NDRG1: variants seen among roughly 807,000 people sequenced by gnomAD.
NDRG1 encodes N-myc downstream regulated 1.
Under a neutral mutation model 56.9 loss-of-function variants are expected in NDRG1, and 32 were observed. That is an observed-to-expected ratio of 0.56 (90% confidence interval 0.42 to 0.76). NDRG1 has a LOEUF of 0.76. NDRG1 is among the 30% of genes least tolerant of loss of function. NDRG1 has a pLI of 0.00. For missense variants in NDRG1, 507 were observed against 545.7 expected, an observed-to-expected ratio of 0.93 and a Z score of 0.71; for synonymous variants, 211 against 204.1, an observed-to-expected ratio of 1.03 and a Z score of -0.29.
intron 6 of NDRG1, 136 bp from the exon 7 acceptor site, chr8:133,258,562 T>C: frequency 1.2e-6 from 1 of 828,628 alleles, no homozygotes. Flanking sequence ...CCTGCACAGC[T>C]CTGAGGTCAC....
At chr8:133,266,640 C>T (rs144477111) in intron 3 of NDRG1, among the ~76,000 whole-genome samples, 2 of 152,228 alleles carry the variant, frequency 1.3e-5, no homozygotes, top group South Asian at 2.1e-4. Flanking sequence ...CATCCACACC[C>T]GCTGGTGATC....
intron 1 of NDRG1, chr8:133,296,883 C>G (rs1224860177): frequency 4.6e-6 from 1 of 216,208 alleles, no homozygotes; most frequent in African/African-American, 2.3e-5. Context: ...CAATCCCCAG[C>G]TAGGGGGGAG....
At chr8:133,255,658 A>G (rs1365686167) in intron 8 of NDRG1, 1 of 286,900 alleles carries the variant, frequency 3.5e-6, no homozygotes, top group Non-Finnish European at 6.9e-6. Flanking sequence ...GGGCTCCTGC[A>G]TTCTGGAGGA....
rs1345314267 is a variant in NDRG1, at chr8:133,238,961, C to T, written c.1102G>A (p.Glu368Lys). 3.8e-6 allele frequency: 6 copies of T among 1,581,514 alleles called. No individual in the cohort carries two copies. Among genetic ancestry groups the T allele is most frequent in the South Asian group, 1.2e-5 (1 of 86,324 alleles). Reference sequence around the variant, plus strand: ...GGGGTGATGTCCAGGTGGGCCCCCTCGCTGGTGTGCGAGCGGCTGCGGGTG... The same window carrying T: ...GGGGTGATGTCCAGGTGGGCCCCCTTGCTGGTGTGCGAGCGGCTGCGGGTG... ...EGTRSRSHTSEGAHLDITPNS... is the reference protein window; with the variant it reads ...EGTRSRSHTSKGAHLDITPNS... The change falls in exon 16 of 16, where the codon GAG (glutamate) becomes AAG (lysine). Residue 368 changes from glutamate (E) to lysine (K), a missense_variant. Transcript: ENST00000323851.
At chr8:133,296,758 T>TCCCTG in intron 1 of NDRG1, 1 of 223,016 alleles carries the variant, frequency 4.5e-6, no homozygotes, top group South Asian at 3.8e-5. Flanking sequence ...TGCACCCACG[T>TCCCTG]CCAGCGCGCA....
Position 133,257,282 on chromosome 8 carries a change from TACAC to T in NDRG1, c.451-423_451-420del, listed in dbSNP as rs58312135. ...CTTACTTCCAGGATAAACACATGCA[TACAC>T]ACACACACACACACACACACACACA... On this transcript the variant is annotated intron_variant, in intron 7 of 15. Transcript: ENST00000323851. 4.9e-3 allele frequency among the ~76,000 whole-genome samples: 725 copies of T among 146,798 alleles called. 8 individuals carry two copies. The highest frequency in any genetic ancestry group is 0.022 in the Admixed American group (326 of 14,698).
At chr8:133,259,395 C>A in intron 5 of NDRG1, 165 bp from the exon 6 acceptor site, 2 of 693,274 alleles carry the variant, frequency 2.9e-6, no homozygotes, top group Non-Finnish European at 2.6e-6. Context: ...AAGACCCCTG[C>A]AGCACACTCT....
intron 1 of NDRG1, among the ~76,000 whole-genome samples, chr8:133,287,332 C>T (rs1021362227): frequency 5.3e-5 from 8 of 152,272 alleles, no homozygotes; most frequent in Middle Eastern, 3.4e-3. Context: ...TCTGAGTTCA[C>T]GGAAGCAGGA....
At chr8:133,273,455 C>T (rs1338801301) in intron 3 of NDRG1, among the ~76,000 whole-genome samples, 1 of 152,122 alleles carries the variant, frequency 6.6e-6, no homozygotes, top group Non-Finnish European at 1.5e-5. Flanking sequence ...ATTTTCTGGG[C>T]CTCGTATCTT....
chr8:133,258,338 G>T (rs753463161), intron 7 of NDRG1, 28 bp downstream of exon 7: 2 of 1,599,644 alleles, frequency 1.3e-6, no homozygotes, highest in Non-Finnish European at 8.5e-7. Context: ...TTTAAAATGC[G>T]ATTTTCAAAA....
At chr8:133,276,877 T>C (rs1309580327) in intron 3 of NDRG1, among the ~76,000 whole-genome samples, 1 of 152,232 alleles carries the variant, frequency 6.6e-6, no homozygotes. Context: ...CTCAAAGAGA[T>C]ATCTGTACAC....
rs1586452023 is a variant in NDRG1 at position 133,264,672 on chromosome 8, A to G, written c.100-20T>C. 1 of 1,606,642 alleles carries G rather than the reference A, an allele frequency of 6.2e-7. No individual in the cohort carries two copies. The highest frequency in any genetic ancestry group is 1.1e-5 in the South Asian group (1 of 90,908). On this transcript the variant is annotated intron_variant, in intron 3 of 15. Transcript: ENST00000323851. ...CTGCTCCTGAGGAGACACAGCAGAC[A>G]GTGGGCTGGTCATGTGGGGTTCATG...
chr8:133,266,913 A>G (rs1856948954), intron 3 of NDRG1, among the ~76,000 whole-genome samples: 1 of 152,144 alleles, frequency 6.6e-6, no homozygotes, highest in African/African-American at 2.4e-5. Flanking sequence ...TGAATCCCTT[A>G]AGACCAACGA....
chr8:133,280,137 T>C lies in NDRG1; in HGVS notation c.99+95A>G, dbSNP rs1467740316. On this transcript the variant is annotated intron_variant, in intron 3 of 15. Transcript: ENST00000323851. ...CTGCCTTCTCTCCCCTTGCCCGCAA[T>C]GTTTGCACAATGATCTACTTAAACC... The C allele has an allele frequency of 3.4e-6, 5 of 1,477,070 alleles. No individual in the cohort carries two copies. The African/African-American group carries it at 4.2e-5, about 12-fold the overall frequency. 91.5% of individuals were successfully genotyped at this position (1,477,070 alleles called of 1,614,324 possible).
chr8:133,262,691 C>A (rs1403469687), intron 4 of NDRG1, among the ~76,000 whole-genome samples: 1 of 152,236 alleles, frequency 6.6e-6, no homozygotes, highest in East Asian at 1.9e-4. Context: ...TACCTCCTGT[C>A]CCTTTTCCTC....
intron 8 of NDRG1, chr8:133,256,078 G>C (rs1856353641): frequency 1.3e-5 from 2 of 152,880 alleles, no homozygotes; most frequent in Non-Finnish European, 2.9e-5. Context: ...CGGGTGGTCA[G>C]GTCCACGAAC....
intron 13 of NDRG1, among the ~76,000 whole-genome samples, chr8:133,245,510 C>A (rs1855624165): frequency 6.6e-6 from 1 of 152,040 alleles, no homozygotes; most frequent in Non-Finnish European, 1.5e-5. Flanking sequence ...CGCAGAGATA[C>A]AATCGGGAGA....
At chr8:133,278,053 A>G (rs1357565743) in intron 3 of NDRG1, among the ~76,000 whole-genome samples, 1 of 152,186 alleles carries the variant, frequency 6.6e-6, no homozygotes, top group Non-Finnish European at 1.5e-5. Context: ...TCCCCTGGGG[A>G]ACACAAGGAG....
chr8:133,287,522 G>A (rs567739356), intron 1 of NDRG1, among the ~76,000 whole-genome samples: 1 of 152,352 alleles, frequency 6.6e-6, no homozygotes, highest in South Asian at 2.1e-4. Context: ...CGAGGGGACA[G>A]GCACTCCCTT....
Sources: gnomAD v4.1 joint callset for allele counts (sites outside exome capture counted in the v4.1 genomes callset) on GRCh38, gnomAD v4.1.1 for gene constraint, MANE v1.5 for transcripts, NCBI Gene and HGNC (gene_info 2026-07-23, HGNC 2026-07-21) for gene names.